NKX1-1: variants seen among roughly 807,000 people sequenced by gnomAD.
NKX1-1 encodes NK1 homeobox 1.
Under a neutral mutation model 1.7 loss-of-function variants are expected in NKX1-1, and 7 were observed. The ratio of observed to expected loss-of-function variants is 4.22; its 90% confidence interval spans 2.40 to 7.92. The LOEUF is 7.92. Ranked by LOEUF, NKX1-1 falls within the 30% of genes most tolerant of loss-of-function variation. The probability of loss-of-function intolerance (pLI) is 0.00; values close to 1 mark genes in which losing one functional copy is unlikely to be tolerated. For missense variants in NKX1-1, 453 were observed against 171.5 expected (o/e 2.64, Z -9.17); for synonymous variants, 242 against 85.3 (o/e 2.84, Z -10.13).
In NKX1-1 at chr4:1,403,774, C is replaced by T. The variant is rs1209221245; in HGVS notation, c.505G>A (p.Asp169Asn). The change falls in exon 2 of 2, where the codon GAC becomes AAC. Residue 169 changes from aspartate (D) to asparagine (N), a missense_variant. Transcript: ENST00000422806. ...CCGCCGCTGCTGTAGCCGTTGGTGT[C>T]GTTGGTCTCGGCCTCCCCTGCCTTG... ...PFKAGEAETN[D>N]TNGYSSGGGG... The T allele has an allele frequency of 1.5e-6, 1 of 684,498 alleles. No homozygotes were observed. The highest frequency in any genetic ancestry group is 1.5e-5 in the South Asian group (1 of 66,492). The allele number at this position is 684,498 out of a possible 1,614,324, so 42.4% of individuals were successfully genotyped here.
At chr4:1,403,902 C>T in intron 1 of NKX1-1, 87 bp from the exon 2 acceptor site, 2 of 517,548 alleles carry the variant, frequency 3.9e-6, no homozygotes, top group Non-Finnish European at 6.8e-6. Flanking sequence ...CGCTTCCTCC[C>T]CCAGGGTTCC....
chr4:1,405,439 C>A (rs184838390), intron 1 of NKX1-1, among the ~76,000 whole-genome samples: 2 of 152,254 alleles, frequency 1.3e-5, no homozygotes, highest in South Asian at 2.1e-4. Flanking sequence ...TCGACCCGAC[C>A]GGGGGCGCGG....
chr4:1,403,819 C>T lies in NKX1-1; in HGVS notation c.464-4G>A. The T allele has an allele frequency of 3.0e-6, 2 of 663,200 alleles. No individual in the cohort carries two copies. The highest frequency in any genetic ancestry group is 2.2e-5 in the Admixed American group (1 of 45,510). The allele number at this position is 663,200 out of a possible 1,614,324, so 41.1% of individuals were successfully genotyped here. On this transcript the variant is annotated splice_region_variant and splice_polypyrimidine_tract_variant and intron_variant, in intron 1 of 1. Transcript: ENST00000422806. ...GCCTTGAAGGGGTCGCCGGCGTCTG[C>T]GGGAGGGAGGGACAAGGACAGGGCA...
intron 1 of NKX1-1, among the ~76,000 whole-genome samples, chr4:1,404,551 C>T (rs1185660483): frequency 6.6e-6 from 1 of 152,258 alleles, no homozygotes; most frequent in Non-Finnish European, 1.5e-5. Flanking sequence ...GGAGTGGCTC[C>T]CCGCGGCCTA....
Position 1,403,685 on chromosome 4 carries a change from C to T in NKX1-1, c.594G>A (p.Glu198=). ...DEVPDDEDDD[E]DEAPETEAAR... ...CCGCCTCCGTCTCGGGCGCTTCGTC[C>T]TCGTCGTCGTCCTCGTCGTCGGGAA... The change falls in exon 2 of 2, where the codon GAG becomes GAA. Residue 198 remains glutamate, a synonymous_variant. Coordinates refer to ENST00000422806, the MANE Select transcript of NKX1-1 (RefSeq NM_001290079.1). 1.5e-6 allele frequency: 1 copy of T among 679,434 alleles called. No homozygotes were observed. Among genetic ancestry groups the T allele is most frequent in the Non-Finnish European group, 2.6e-6 (1 of 378,856 alleles). The allele number at this position is 679,434 out of a possible 1,614,324, so 42.1% of individuals were successfully genotyped here. A position where few individuals can be genotyped will look rare whatever the true frequency, so the allele number is the denominator to read the frequency against.
rs529622988 is a variant in NKX1-1 at position 1,406,361 on chromosome 4, G to C, written c.82C>G (p.Pro28Ala). The C allele has an allele frequency of 2.9e-4, 106 of 370,340 alleles. No homozygotes were observed. The highest frequency in any genetic ancestry group is 2.0e-3 in the African/African-American group (94 of 47,256). 22.9% of individuals were successfully genotyped at this position (370,340 alleles called of 1,614,324 possible). Residue 28 changes from proline (P) to alanine (A), a missense_variant, in exon 1 of 2, where the codon CCC (proline) becomes GCC (alanine). Transcript: ENST00000422806. The part of the protein sequence containing the change: ...PPQPGSGPAP[P>A]APAAAAQEAM... ...TCCTGGGCAGCGGCGGCGGGAGCGG[G>C]CGGTGCGGGCCCCGAACCTGGCTGG...
intron 1 of NKX1-1, among the ~76,000 whole-genome samples, chr4:1,405,629 G>A (rs1333593682): frequency 2.6e-5 from 4 of 152,240 alleles, no homozygotes; most frequent in Non-Finnish European, 5.9e-5. Flanking sequence ...CGGGCACAGT[G>A]GGGGCGGGGA....
chr4:1,406,227 C>A lies in NKX1-1; in HGVS notation c.216G>T (p.Arg72=). 1.9e-6 allele frequency: 1 copy of A among 531,616 alleles called. No individual in the cohort carries two copies. 32.9% of individuals were successfully genotyped at this position (531,616 alleles called of 1,614,324 possible). Residue 72 remains arginine, a synonymous_variant, in exon 1 of 2, where the codon CGG becomes CGT. Transcript: ENST00000422806. Reference sequence around the variant, plus strand: ...AGGTGGGGCGCAGGGGCGCTGCGGGCCGGGCCGCTCCAGCCCCCTCGGGCG... The same window carrying A: ...AGGTGGGGCGCAGGGGCGCTGCGGGACGGGCCGCTCCAGCCCCCTCGGGCG... ...PAAPEGAGAA[R]PAAPLRPTSF... is the part of the protein sequence containing the mutation.
At position 1,403,074 on chromosome 4, in the gene NKX1-1, G is replaced by A. The variant is rs1244870105; in HGVS notation, c.1205C>T (p.Pro402Leu). 3 of 478,392 alleles carry A rather than the reference G, an allele frequency of 6.3e-6. No individual in the cohort carries two copies. Among genetic ancestry groups the A allele is most frequent in the South Asian group, 3.3e-5 (1 of 30,066 alleles). The allele number at this position is 478,392 out of a possible 1,614,324, so 29.6% of individuals were successfully genotyped here. A position where few individuals can be genotyped will look rare whatever the true frequency, so the allele number is the denominator to read the frequency against. Residue 402 changes from proline (P) to leucine (L), a missense_variant, in exon 2 of 2, where the codon CCG becomes CTG. Pro to Leu is a moderately conservative substitution (Grantham distance 98). Transcript: ENST00000422806. ...GGGGCCGTGCGCCGGGTACCCGGCCGGGCCGTGCATGCCGAGCGGGGCGCC... is the reference window on the plus strand; with the variant it reads ...GGGGCCGTGCGCCGGGTACCCGGCCAGGCCGTGCATGCCGAGCGGGGCGCC... ...PMGAPLGMHGPAGYPAHGPGG... is the reference protein window; with the variant it reads ...PMGAPLGMHGLAGYPAHGPGG...
chr4:1,405,781 G>A (rs950755445), intron 1 of NKX1-1, among the ~76,000 whole-genome samples, 199 bp downstream of exon 1: 1 of 152,212 alleles, frequency 6.6e-6, no homozygotes, highest in African/African-American at 2.4e-5. Flanking sequence ...TTCTCCAGAG[G>A]AGCCTGGCGA....
intron 1 of NKX1-1, among the ~76,000 whole-genome samples, chr4:1,404,513 C>G (rs771444206): frequency 8.5e-5 from 13 of 152,234 alleles, no homozygotes; most frequent in African/African-American, 1.4e-4. Flanking sequence ...CTCGGCCTCA[C>G]CAGGAGGGCT....
In NKX1-1 at chr4:1,403,207, C is replaced by A. The variant is rs772114846; in HGVS notation, c.1072G>T (p.Ala358Ser). 6 of 701,818 alleles carry A rather than the reference C, an allele frequency of 8.5e-6. No homozygotes were observed. In the South Asian group the frequency reaches 9.0e-5, roughly 11 times the overall value. 43.5% of individuals were successfully genotyped at this position (701,818 alleles called of 1,614,324 possible). The change falls in exon 2 of 2, where the codon GCC (alanine) becomes TCC (serine). Residue 358 changes from alanine to serine, a missense_variant. Transcript: ENST00000422806. ...RTKWKKQNPG[A>S]DTSAPTGGGG... ...CCGCCGGTCGGAGCGCTGGTGTCGG[C>A]GCCCGGGTTCTGCTTCTTCCACTTG...
intron 1 of NKX1-1, among the ~76,000 whole-genome samples, chr4:1,405,601 A>G (rs1577018655): frequency 8.7e-6 from 1 of 115,378 alleles, no homozygotes. Context: ...GAAAGGAGGG[A>G]GGGAGGGAGG....
chr4:1,403,900 C>G lies in NKX1-1; in HGVS notation c.464-85G>C, dbSNP rs563062113. 87 of 519,348 alleles carry G rather than the reference C, an allele frequency of 1.7e-4. 1 individual carries two copies. In the African/African-American group the frequency reaches 1.7e-3, roughly 10 times the overall value. 32.2% of individuals were successfully genotyped at this position (519,348 alleles called of 1,614,324 possible). On this transcript the variant is annotated intron_variant, in intron 1 of 1. Transcript: ENST00000422806. The stretch of plus-strand genomic sequence containing the variant: ...CCGCCCTCCGCGCGCCCCGCTTCCT[C>G]CCCCAGGGTTCCCTCCCGCCCCCTG...
chr4:1,406,430 C>G lies in NKX1-1; in HGVS notation c.13G>C (p.Gly5Arg). 1 of 339,522 alleles carries G rather than the reference C, an allele frequency of 2.9e-6. No individual in the cohort carries two copies. Among genetic ancestry groups the G allele is most frequent in the Non-Finnish European group, 5.3e-6 (1 of 188,500 alleles). The allele number at this position is 339,522 out of a possible 1,614,324, so 21.0% of individuals were successfully genotyped here. Reference sequence around the variant, plus strand: ...GGAATGTCCCCAGGAGCCTCGGGGCCGCTAGCGCTCATGCCGGCCTCCCGC... The same window carrying G: ...GGAATGTCCCCAGGAGCCTCGGGGCGGCTAGCGCTCATGCCGGCCTCCCGC... MSAS[G>R]PEAPGDIPAL... The change falls in exon 1 of 2, where the codon GGC (glycine) becomes CGC (arginine). Residue 5 changes from glycine (G) to arginine (R), a missense_variant. Gly to Arg is a moderately radical substitution (Grantham distance 125). Transcript: ENST00000422806.
rs1720680725 is a variant in NKX1-1 at position 1,403,091 on chromosome 4, C to A, written c.1188G>T (p.Pro396=). The A allele has an allele frequency of 2.2e-6, 1 of 446,238 alleles. No individual in the cohort carries two copies. The highest frequency in any genetic ancestry group is 3.9e-6 in the Non-Finnish European group (1 of 255,988). 27.6% of individuals were successfully genotyped at this position (446,238 alleles called of 1,614,324 possible). Residue 396 remains proline, a synonymous_variant, in exon 2 of 2, where the codon CCG becomes CCT. Coordinates refer to ENST00000422806, the MANE Select transcript of NKX1-1 (RefSeq NM_001290079.1). The part of the protein sequence containing the change: ...PLSPSPPMGA[P]LGMHGPAGYP... The stretch of plus-strand genomic sequence containing the variant: ...ACCCGGCCGGGCCGTGCATGCCGAG[C>A]GGGGCGCCCATGGGCGGCGAGGGGC...
intron 1 of NKX1-1, among the ~76,000 whole-genome samples, chr4:1,404,244 G>T (rs779028186): frequency 2.0e-5 from 3 of 152,228 alleles, no homozygotes; most frequent in Non-Finnish European, 4.4e-5. Flanking sequence ...ACTAGTTAAG[G>T]CCATTTAATT....
Position 1,406,333 on chromosome 4 carries a change from G to A in NKX1-1, c.110C>T (p.Ala37Val). 2.6e-6 allele frequency: 1 copy of A among 380,876 alleles called. No homozygotes were observed. The highest frequency in any genetic ancestry group is 4.6e-6 in the Non-Finnish European group (1 of 216,516). 23.6% of individuals were successfully genotyped at this position (380,876 alleles called of 1,614,324 possible). A position where few individuals can be genotyped will look rare whatever the true frequency, so the allele number is the denominator to read the frequency against. The change falls in exon 1 of 2, where the codon GCT (alanine) becomes GTT (valine). Residue 37 changes from alanine to valine, a missense_variant. Physicochemically the swap from Ala to Val is moderately conservative, Grantham distance 64. Transcript: ENST00000422806. ...CGGCAGCTCGGCGCGCCCGTCCATAGCTTCCTGGGCAGCGGCGGCGGGAGC... is the reference window on the plus strand; with the variant it reads ...CGGCAGCTCGGCGCGCCCGTCCATAACTTCCTGGGCAGCGGCGGCGGGAGC... ...PPAPAAAAQEAMDGRAELPAF... is the reference protein window; with the variant it reads ...PPAPAAAAQEVMDGRAELPAF...
chr4:1,406,182 G>C lies in NKX1-1; in HGVS notation c.261C>G (p.Ile87Met). The C allele has an allele frequency of 1.6e-6, 1 of 615,154 alleles. No individual in the cohort carries two copies. Among genetic ancestry groups the C allele is most frequent in the Non-Finnish European group, 2.9e-6 (1 of 343,024 alleles). The allele number at this position is 615,154 out of a possible 1,614,324, so 38.1% of individuals were successfully genotyped here. Residue 87 changes from isoleucine to methionine, a missense_variant, in exon 1 of 2, where the codon ATC becomes ATG. Physicochemically the swap from Ile to Met is conservative, Grantham distance 10 (BLOSUM62 1). Transcript: ENST00000422806. ...LRPTSFSVLD[I>M]LDPNKFNSRR... Reference sequence around the variant, plus strand: ...TGCTGTTGAACTTGTTGGGGTCCAGGATGTCCAGTACCGAGAAGGAGGTGG... The same window carrying C: ...TGCTGTTGAACTTGTTGGGGTCCAGCATGTCCAGTACCGAGAAGGAGGTGG...
Sources: gnomAD v4.1 joint callset for allele counts (sites outside exome capture counted in the v4.1 genomes callset) on GRCh38, gnomAD v4.1.1 for gene constraint, MANE v1.5 for transcripts, NCBI Gene and HGNC (gene_info 2026-07-23, HGNC 2026-07-21) for gene names.